The following MYO10 variants were observed in gnomAD, a reference collection of about 807,000 sequenced individuals.
MYO10 encodes the protein unconventional myosin-X.
In MYO10, 133 loss-of-function variants were observed where a neutral mutation model predicts 257.3. The ratio of observed to expected loss-of-function variants is 0.52; its 90% confidence interval spans 0.45 to 0.60. The LOEUF (loss-of-function observed/expected upper bound fraction) is 0.60. Among genes scored for constraint, MYO10 ranks in the 20% least tolerant of loss-of-function variants. The pLI is 0.00. For missense variants in MYO10, 2,399 were observed against 2,635.7 expected (o/e 0.91, Z 1.97); for synonymous variants, 1,104 against 1,028.6 (o/e 1.07, Z -1.40).
chr5:16,723,378 ACT>A (rs1453213866), intron 19 of MYO10, among the ~76,000 whole-genome samples: 1 of 151,870 alleles, frequency 6.6e-6, no homozygotes, highest in African/African-American at 2.4e-5. Context: ...ACAGAGCGAG[ACT>A]CTGTCTCAAA....
At chr5:16,742,036 CT>C (rs1305956113) in intron 19 of MYO10, 2 of 985,302 alleles carry the variant, frequency 2.0e-6, no homozygotes, top group Admixed American at 6.2e-5. Flanking sequence ...GCTGAAGACA[CT>C]TTTGACTGCA....
intron 3 of MYO10, among the ~76,000 whole-genome samples, chr5:16,813,743 C>T (rs1441623212): frequency 3.9e-5 from 6 of 152,028 alleles, no homozygotes; most frequent in African/African-American, 1.5e-4. Context: ...TCCAGGGAGG[C>T]CCAATCTAAT....
chr5:16,713,177 T>C (rs1237942112), intron 19 of MYO10, among the ~76,000 whole-genome samples: 1 of 152,194 alleles, frequency 6.6e-6, no homozygotes, highest in East Asian at 1.9e-4. Context: ...AATATCTCTA[T>C]CTCTCAGGCT....
At chr5:16,742,584 C>A (rs1740053030) in intron 19 of MYO10, among the ~76,000 whole-genome samples, 1 of 152,072 alleles carries the variant, frequency 6.6e-6, no homozygotes, top group Non-Finnish European at 1.5e-5. Context: ...CTTCGGGAGG[C>A]CTAGGTGGGT....
At chr5:16,761,669 GAGAC>G in intron 16 of MYO10, 123 bp from the exon 17 acceptor site, 1 of 763,558 alleles carries the variant, frequency 1.3e-6, no homozygotes, top group South Asian at 1.8e-5. Context: ...TATTTTTTAA[GAGAC>G]AGGGTCTTGC....
At chr5:16,834,435 C>A (rs747529809) in intron 2 of MYO10, among the ~76,000 whole-genome samples, 4 of 152,036 alleles carry the variant, frequency 2.6e-5, no homozygotes, top group Non-Finnish European at 4.4e-5. Flanking sequence ...TGCTGAGGAC[C>A]CCCTCTCACC....
intron 3 of MYO10, among the ~76,000 whole-genome samples, chr5:16,805,980 A>G (rs1027389675): frequency 6.6e-6 from 1 of 152,200 alleles, no homozygotes; most frequent in African/African-American, 2.4e-5. Context: ...GTATCATTTG[A>G]CTTCAGCATG....
Position 16,681,321 on chromosome 5 carries a change from A to G in MYO10, c.4372T>C (p.Phe1458Leu), listed in dbSNP as rs763771766. 1.9e-6 allele frequency: 3 copies of G among 1,607,942 alleles called. No homozygotes were observed. Among genetic ancestry groups the G allele is most frequent in the South Asian group, 2.2e-5 (2 of 89,588 alleles). The change falls in exon 32 of 41, where the codon TTC becomes CTC. Residue 1458 changes from phenylalanine to leucine, a missense_variant. By Grantham distance (22) the Phe-to-Leu change is conservative (BLOSUM62 0). Transcript: ENST00000513610. ...CSVVPPDEKI[F>L]KETGYWNVTV... The stretch of plus-strand genomic sequence containing the variant: ...CCAGCCTGGTTACCTGTCTCTTTGA[A>G]TATCTTCTCATCTGGGGGGACGACA...
intron 26 of MYO10, among the ~76,000 whole-genome samples, chr5:16,697,513 G>A (rs558667335): frequency 5.6e-4 from 85 of 152,086 alleles, no homozygotes; most frequent in Non-Finnish European, 8.8e-4. Context: ...CAGCCTGGCC[G>A]ACATGGTGAA....
intron 2 of MYO10, among the ~76,000 whole-genome samples, chr5:16,847,998 AT>A (rs1403213294): frequency 6.6e-6 from 1 of 152,192 alleles, no homozygotes; most frequent in East Asian, 1.9e-4. Context: ...ACTGATTAAC[AT>A]TGGTAATAAG....
At chr5:16,820,046 C>T (rs1742750602) in intron 2 of MYO10, among the ~76,000 whole-genome samples, 1 of 152,200 alleles carries the variant, frequency 6.6e-6, no homozygotes, top group African/African-American at 2.4e-5. Flanking sequence ...GCCAACCCTG[C>T]CACATGAGCC....
intron 33 of MYO10, among the ~76,000 whole-genome samples, chr5:16,678,679 G>T (rs1194402592): frequency 6.6e-6 from 1 of 152,198 alleles, no homozygotes; most frequent in East Asian, 1.9e-4. Flanking sequence ...AGGCCAATTT[G>T]ATTTTGATGG....
intron 1 of MYO10, among the ~76,000 whole-genome samples, chr5:16,883,768 T>C (rs912999483): frequency 1.3e-5 from 2 of 152,194 alleles, no homozygotes; most frequent in African/African-American, 4.8e-5. Context: ...ATTACATTTC[T>C]CTTCTGATTT....
At chr5:16,761,399 T>A in intron 17 of MYO10, 65 bp downstream of exon 17, 1 of 1,283,822 alleles carries the variant, frequency 7.8e-7, no homozygotes, top group Non-Finnish European at 1.1e-6. Context: ...TATTTGTGAA[T>A]TAAAAGCATT....
At chr5:16,833,754 C>G (rs1227770686) in intron 2 of MYO10, among the ~76,000 whole-genome samples, 1 of 152,140 alleles carries the variant, frequency 6.6e-6, no homozygotes, top group African/African-American at 2.4e-5. Flanking sequence ...GCTCTCCAAT[C>G]CTTAGTTTCC....
rs1032728017 is a variant in MYO10, at chr5:16,672,670, G to T, written c.5309+19C>A. 3.1e-6 allele frequency: 5 copies of T among 1,613,662 alleles called. No individual in the cohort carries two copies. In the African/African-American group the frequency reaches 6.7e-5, roughly 22 times the overall value. On this transcript the variant is annotated intron_variant, in intron 37 of 40. Coordinates refer to ENST00000513610, the MANE Select transcript of MYO10 (RefSeq NM_012334.3). ...TTCTCTTATTTGCTCTTCTGACACA[G>T]TAGGGAAAAGGAACCTACTTTTCAA... is the stretch of plus-strand genomic sequence containing the variant.
chr5:16,743,328 A>G (rs1159419010), intron 19 of MYO10, among the ~76,000 whole-genome samples: 1 of 151,998 alleles, frequency 6.6e-6, no homozygotes, highest in Non-Finnish European at 1.5e-5. Flanking sequence ...ATCATTCACC[A>G]GTTCTATAGT....
At chr5:16,876,961 C>A (rs903694511) in intron 2 of MYO10, among the ~76,000 whole-genome samples, 2 of 152,122 alleles carry the variant, frequency 1.3e-5, no homozygotes, top group Non-Finnish European at 2.9e-5. Flanking sequence ...GAAGGTGCAG[C>A]CTTCATGAAT....
rs188047137 is a variant in MYO10 at position 16,701,026 on chromosome 5, G to A, written c.3369C>T (p.Cys1123=). 2.7e-4 allele frequency: 424 copies of A among 1,563,244 alleles called. No individual in the cohort carries two copies. The African/African-American group carries it at 5.0e-3, about 19-fold the overall frequency. ...YGSQWSPDYR[C]SVGTYNSSGA... ...CCGAGCTGTTGTAGGTCCCCACAGA[G>A]CAGCGGTAGTCGGGGGACCACTGGC... The change falls in exon 25 of 41, where the codon TGC becomes TGT. Residue 1123 remains cysteine, a synonymous_variant. Transcript: ENST00000513610. The surrounding 1 kb of genome is among the most constrained non-coding windows in gnomAD (Gnocchi z 8.1).
Sources: allele counts gnomAD v4.1 joint callset (sites outside exome capture counted in the v4.1 genomes callset), GRCh38; gene constraint gnomAD v4.1.1; non-coding constraint Gnocchi (gnomAD v3.1); transcripts MANE v1.5; gene names NCBI Gene and HGNC (gene_info 2026-07-23, HGNC 2026-07-21).